PLCE1: variants seen among roughly 807,000 people sequenced by gnomAD.
PLCE1 encodes 1-phosphatidylinositol 4,5-bisphosphate phosphodiesterase epsilon-1.
PLCE1 carries 119 observed loss-of-function variants against 242.8 expected under a neutral mutation model. The observed-to-expected ratio is 0.49, with a 90% confidence interval of 0.42 to 0.57. PLCE1 has a LOEUF of 0.57. PLCE1 is among the 20% of genes least tolerant of loss of function. The pLI is 0.00. For synonymous variants in PLCE1, 945 were observed against 1,017.4 expected (o/e 0.93, Z 1.35); for missense variants, 2,441 against 2,788.8 (o/e 0.88, Z 2.81).
chr10:94,254,754 T>C, intron 10 of PLCE1, 139 bp from the exon 11 acceptor site: 1 of 899,696 alleles, frequency 1.1e-6, no homozygotes. Flanking sequence ...TTCATAAAGA[T>C]ATTTTGGTGC....
At chr10:94,296,260 G>A (rs1193402623) in intron 23 of PLCE1, among the ~76,000 whole-genome samples, 2 of 151,786 alleles carry the variant, frequency 1.3e-5, no homozygotes, top group Admixed American at 6.6e-5. Flanking sequence ...CAGCTACTCA[G>A]GAGGCTGAGG....
chr10:94,088,339 T>G (rs188010919), intron 2 of PLCE1: 30 of 152,360 alleles, frequency 2.0e-4, no homozygotes, highest in African/African-American at 7.2e-4. Context: ...CTCTGGCATC[T>G]CCACTAGTCT....
chr10:94,118,919 C>A lies in PLCE1; in HGVS notation c.1207-13255C>A, dbSNP rs528266367. Among the ~76,000 whole-genome samples the A allele has an allele frequency of 4.6e-5, 7 of 152,162 alleles. No individual in the cohort carries two copies. The South Asian group carries it at 1.5e-3, about 32-fold the overall frequency. On this transcript the variant is annotated intron_variant, in intron 2 of 32. Transcript: ENST00000371380. ...ACGACCCGTCCATTTTTTTGTAGTT[C>A]CCCAATATTTTGGAACCTCCTTGAA...
chr10:94,250,011 AT>A (rs984539981), intron 8 of PLCE1, among the ~76,000 whole-genome samples: 1 of 152,094 alleles, frequency 6.6e-6, no homozygotes, highest in African/African-American at 2.4e-5. Flanking sequence ...ATGCAAAGAT[AT>A]GCCAAGAGGT....
Position 94,031,481 on chromosome 10 carries a change from A to G in PLCE1, c.435A>G (p.Glu145=), listed in dbSNP as rs376459216. 3.2e-5 allele frequency: 52 copies of G among 1,613,314 alleles called. No homozygotes were observed. The highest frequency in any genetic ancestry group is 4.3e-5 in the Non-Finnish European group (51 of 1,179,722). Reference sequence around the variant, plus strand: ...AAACTGGAATTCCTTCTCCACTGGAAAGAAAGGTGTTCCCTGGAATTCAAC... The same window carrying G: ...AAACTGGAATTCCTTCTCCACTGGAGAGAAAGGTGTTCCCTGGAATTCAAC... The part of the protein sequence containing the change: ...CLETGIPSPL[E]RKVFPGIQLE... The change falls in exon 2 of 33, where the codon GAA becomes GAG. Residue 145 remains glutamate, a synonymous_variant. Coordinates refer to ENST00000371380, the MANE Select transcript of PLCE1 (RefSeq NM_016341.4).
At chr10:94,257,833 A>T (rs983361201) in intron 11 of PLCE1, among the ~76,000 whole-genome samples, 1 of 152,206 alleles carries the variant, frequency 6.6e-6, no homozygotes, top group Non-Finnish European at 1.5e-5. Context: ...GGACGAGTTA[A>T]TGGGTGCAGC....
Position 94,079,736 on chromosome 10 carries a change from T to TG in PLCE1, c.1206+47484_1206+47485insG, listed in dbSNP as rs575398111. 1.4e-3 allele frequency among the ~76,000 whole-genome samples: 219 copies of TG among 152,342 alleles called. 2 individuals are homozygous for TG. The highest frequency in any genetic ancestry group is 4.4e-3 in the African/African-American group (182 of 41,564). ...TGGAATTTCTGACTTCTGAATTTTT[T>TG]TATGTGACAGGCTTAGCCTGGGGTA... On this transcript the variant is annotated intron_variant, in intron 2 of 32. Coordinates refer to ENST00000371380, the MANE Select transcript of PLCE1 (RefSeq NM_016341.4).
chr10:94,228,658 G>C (rs1324026425), intron 5 of PLCE1, among the ~76,000 whole-genome samples: 1 of 152,076 alleles, frequency 6.6e-6, no homozygotes, highest in Non-Finnish European at 1.5e-5. Context: ...TTCTGGGTTA[G>C]GGGAGGAGAT....
At chr10:94,260,434 T>C (rs190140950) in intron 13 of PLCE1, among the ~76,000 whole-genome samples, 75 of 152,180 alleles carry the variant, frequency 4.9e-4, no homozygotes, top group Non-Finnish European at 9.0e-4. Flanking sequence ...TAAACACAAA[T>C]AGCAAAACAA....
At chr10:94,120,153 A>G (rs2046258016) in intron 2 of PLCE1, among the ~76,000 whole-genome samples, 1 of 152,108 alleles carries the variant, frequency 6.6e-6, no homozygotes, top group South Asian at 2.1e-4. Context: ...TGGGAGACTC[A>G]ACAATTCCTC....
rs557598178 is a variant in PLCE1 at position 94,122,490 on chromosome 10, G to A, written c.1207-9684G>A. Among the ~76,000 whole-genome samples, 5 of 152,278 alleles carry A rather than the reference G, an allele frequency of 3.3e-5. No homozygotes were observed. In the South Asian group the frequency reaches 1.0e-3, roughly 32 times the overall value. On this transcript the variant is annotated intron_variant, in intron 2 of 32. Coordinates refer to ENST00000371380, the MANE Select transcript of PLCE1 (RefSeq NM_016341.4). The stretch of plus-strand genomic sequence containing the variant: ...GATTCATCTTTGGAAATATTAAGCT[G>A]GAAGCATCACTTACAGAAAGGCCTG...
intron 2 of PLCE1, among the ~76,000 whole-genome samples, chr10:94,033,131 TA>T (rs1448645903): frequency 1.3e-5 from 2 of 152,072 alleles, no homozygotes; most frequent in African/African-American, 4.8e-5. Flanking sequence ...CCATCTTACA[TA>T]AGGGACTTGA....
chr10:94,308,119 C>T (rs530973472), intron 26 of PLCE1, among the ~76,000 whole-genome samples: 11 of 152,176 alleles, frequency 7.2e-5, no homozygotes, highest in Non-Finnish European at 1.5e-4. Flanking sequence ...ATGTTAATAA[C>T]TATACATGTA....
Position 94,329,809 on chromosome 10 carries a change from A to AAACAC in PLCE1, c.*1867_*1871dup, listed in dbSNP as rs2054137975. 6.8e-6 allele frequency: 1 copy of AAACAC among 147,552 alleles called. No homozygotes were observed. The highest frequency in any genetic ancestry group is 2.5e-5 in the African/African-American group (1 of 39,616). The allele number at this position is 147,552 out of a possible 1,614,324, so 9.1% of individuals were successfully genotyped here. ...AAAAAAAAAAAAAAAAAAAAAAAAA[A>AAACAC]AACACCATACAGCTTTCATGTCATT... On this transcript the variant is annotated 3_prime_UTR_variant, in exon 33 of 33. Coordinates refer to ENST00000371380, the MANE Select transcript of PLCE1 (RefSeq NM_016341.4).
At chr10:94,257,099 A>C (rs2051126479) in intron 11 of PLCE1, among the ~76,000 whole-genome samples, 1 of 152,166 alleles carries the variant, frequency 6.6e-6, no homozygotes, top group African/African-American at 2.4e-5. Context: ...ATGACTACAA[A>C]ATGCTAAAAA....
chr10:94,200,413 C>G (rs2797996), intron 4 of PLCE1, among the ~76,000 whole-genome samples: 104,697 of 152,104 alleles, frequency 0.69, 37,538 homozygotes, highest in South Asian at 0.81. Flanking sequence ...GAGCTCCCAA[C>G]AGCCAAAGCT....
rs954529605 is a variant in PLCE1, at chr10:94,177,505, G to A, written c.1809+6009G>A. 3.9e-5 allele frequency among the ~76,000 whole-genome samples: 6 copies of A among 152,140 alleles called. No individual in the cohort carries two copies. The East Asian group carries it at 9.6e-4, about 24-fold the overall frequency. On this transcript the variant is annotated intron_variant, in intron 4 of 32. Transcript: ENST00000371380. ...CTTAGTTTGAGAGACAGGTCTTCCC[G>A]AACTTTCTTAATCTGGACACCTCTC...
At chr10:94,145,457 T>G (rs1048120961) in intron 3 of PLCE1, among the ~76,000 whole-genome samples, 1 of 152,216 alleles carries the variant, frequency 6.6e-6, no homozygotes, top group Admixed American at 6.5e-5. Flanking sequence ...TTACTTATAC[T>G]GCAGGAACAC....
chr10:94,247,114 GA>G (rs398014491), intron 8 of PLCE1, among the ~76,000 whole-genome samples: 301 of 100,394 alleles, frequency 3.0e-3, no homozygotes, highest in African/African-American at 6.6e-3. Flanking sequence ...TCTGTCTCAG[GA>G]AAAAAAAAAA....
Sources: gnomAD v4.1 joint callset for allele counts (sites outside exome capture counted in the v4.1 genomes callset) on GRCh38, gnomAD v4.1.1 for gene constraint, MANE v1.5 for transcripts, NCBI Gene and HGNC (gene_info 2026-07-23, HGNC 2026-07-21) for gene names.